NXPH1: variants seen among roughly 807,000 people sequenced by gnomAD.
The protein encoded by NXPH1 is neurexophilin 1.
A neutral mutation model predicts 23.7 loss-of-function variants in NXPH1; 5 were observed. The observed-to-expected ratio is 0.21, with a 90% CI of 0.11 to 0.44. The LOEUF is 0.44. Ranked by LOEUF, NXPH1 falls within the 20% of genes least tolerant of loss-of-function variation. The pLI is 0.99. For missense variants in NXPH1, 324 were observed against 321.6 expected (o/e 1.01, Z -0.06); for synonymous variants, 144 against 122.2 (o/e 1.18, Z -1.18).
At chr7:8,576,480 C>T (rs756596496) in intron 2 of NXPH1, among the ~76,000 whole-genome samples, 5 of 152,066 alleles carry the variant, frequency 3.3e-5, no homozygotes, top group East Asian at 1.9e-4. Context: ...TCTTGAAGTA[C>T]GTTTGAATGA....
intron 2 of NXPH1, among the ~76,000 whole-genome samples, chr7:8,679,580 A>G (rs1245827766): frequency 6.6e-6 from 1 of 152,186 alleles, no homozygotes; most frequent in Non-Finnish European, 1.5e-5. Flanking sequence ...TTTCTTTGTC[A>G]CAAATTAACT....
chr7:8,683,062 T>C (rs1005985013), intron 2 of NXPH1, among the ~76,000 whole-genome samples: 1 of 152,208 alleles, frequency 6.6e-6, no homozygotes, highest in Non-Finnish European at 1.5e-5. Flanking sequence ...CTTGGAGTTC[T>C]GCAAACTGTG....
At chr7:8,462,931 A>G (rs1042076981) in intron 2 of NXPH1, among the ~76,000 whole-genome samples, 32 of 152,132 alleles carry the variant, frequency 2.1e-4, no homozygotes, top group African/African-American at 6.8e-4. Flanking sequence ...AAAATCTCAA[A>G]GTTTGAAGAG....
chr7:8,695,297 G>A (rs989850567), intron 2 of NXPH1, among the ~76,000 whole-genome samples: 15 of 152,170 alleles, frequency 9.9e-5, no homozygotes, highest in African/African-American at 3.4e-4. Flanking sequence ...TCATAGCACA[G>A]GTGGCGAAAC....
intron 2 of NXPH1, among the ~76,000 whole-genome samples, chr7:8,447,763 T>C (rs1316209295): frequency 6.6e-6 from 1 of 152,248 alleles, no homozygotes; most frequent in Non-Finnish European, 1.5e-5. Context: ...AACATTAATA[T>C]GTGGCCAGAT....
chr7:8,526,877 G>A (rs1208432712), intron 2 of NXPH1, among the ~76,000 whole-genome samples: 1 of 152,158 alleles, frequency 6.6e-6, no homozygotes, highest in Non-Finnish European at 1.5e-5. Context: ...TGTCTCAGCA[G>A]AAGTAAGGCA....
At chr7:8,480,737 C>A (rs760602407) in intron 2 of NXPH1, among the ~76,000 whole-genome samples, 1 of 152,012 alleles carries the variant, frequency 6.6e-6, no homozygotes, top group Non-Finnish European at 1.5e-5. Context: ...ACTTTGCCAC[C>A]CGGCAATTGT....
chr7:8,737,751 T>C (rs1391991105), intron 2 of NXPH1, among the ~76,000 whole-genome samples: 2 of 152,220 alleles, frequency 1.3e-5, no homozygotes, highest in East Asian at 3.8e-4. Context: ...CCATTCTCTC[T>C]GTCACTTTCA....
intron 2 of NXPH1, among the ~76,000 whole-genome samples, chr7:8,636,249 G>A (rs1820216941): frequency 6.6e-6 from 1 of 152,176 alleles, no homozygotes; most frequent in Admixed American, 6.5e-5. Context: ...AAAGTTCCCT[G>A]TGTTTGTCTC....
At chr7:8,535,240 T>G (rs139531447) in intron 2 of NXPH1, among the ~76,000 whole-genome samples, 2 of 152,068 alleles carry the variant, frequency 1.3e-5, no homozygotes, top group East Asian at 1.9e-4. Context: ...GCTAGATGCC[T>G]GTCACGTTTA....
chr7:8,458,519 C>G (rs1202287495), intron 2 of NXPH1, among the ~76,000 whole-genome samples: 1 of 152,084 alleles, frequency 6.6e-6, no homozygotes, highest in Non-Finnish European at 1.5e-5. Flanking sequence ...AGAAAATGAA[C>G]CAAAGAGTGA....
chr7:8,698,246 T>C (rs180731733), intron 2 of NXPH1, among the ~76,000 whole-genome samples: 4 of 152,192 alleles, frequency 2.6e-5, no homozygotes, highest in Non-Finnish European at 5.9e-5. Context: ...ATGGAGGTAA[T>C]AAACCTATTT....
At chr7:8,595,128 A>G (rs1365880406) in intron 2 of NXPH1, among the ~76,000 whole-genome samples, 2 of 152,052 alleles carry the variant, frequency 1.3e-5, no homozygotes, top group African/African-American at 4.8e-5. Context: ...GCACACTTTT[A>G]TCTGTCTTTT....
intron 2 of NXPH1, among the ~76,000 whole-genome samples, chr7:8,560,108 T>C (rs979236447): frequency 6.6e-6 from 1 of 151,738 alleles, no homozygotes; most frequent in Non-Finnish European, 1.5e-5. Flanking sequence ...GAAAGATTAA[T>C]ATAACTCATT....
At chr7:8,539,868 G>T (rs1443300094) in intron 2 of NXPH1, among the ~76,000 whole-genome samples, 1 of 151,578 alleles carries the variant, frequency 6.6e-6, no homozygotes, top group Non-Finnish European at 1.5e-5. Flanking sequence ...ATAACTCTTG[G>T]AACCCAACAA....
chr7:8,526,639 C>T (rs1480428106), intron 2 of NXPH1, among the ~76,000 whole-genome samples: 3 of 152,166 alleles, frequency 2.0e-5, no homozygotes, highest in Non-Finnish European at 4.4e-5. Context: ...CCATGCTATT[C>T]TCATGATAGT....
chr7:8,450,948 T>C (rs879267835), intron 2 of NXPH1, among the ~76,000 whole-genome samples: 2 of 152,204 alleles, frequency 1.3e-5, no homozygotes, highest in African/African-American at 2.4e-5. Context: ...ATAAACCTTT[T>C]AGCACTTCAT....
At position 8,645,020 on chromosome 7, in the gene NXPH1, G is replaced by A. The variant is rs184079954; in HGVS notation, c.55-105988G>A. ...TTGATAAATGCAGTTCTAATTTATT[G>A]GTCACTTTTGCAGATGTACAATGTT... On this transcript the variant is annotated intron_variant, in intron 2 of 2. Transcript: ENST00000405863. Among the ~76,000 whole-genome samples, 335 of 152,164 alleles carry A rather than the reference G, an allele frequency of 2.2e-3. 1 individual carries two copies. Among genetic ancestry groups the A allele is most frequent in the Middle Eastern group, 0.017 (5 of 294 alleles).
At chr7:8,708,824 A>C (rs1026623189) in intron 2 of NXPH1, among the ~76,000 whole-genome samples, 1 of 152,190 alleles carries the variant, frequency 6.6e-6, no homozygotes, top group Admixed American at 6.5e-5. Context: ...GATATTCTCT[A>C]TATCTTGCTA....
Sources: allele counts gnomAD v4.1 joint callset (sites outside exome capture counted in the v4.1 genomes callset), GRCh38; gene constraint gnomAD v4.1.1; transcripts MANE v1.5; gene names NCBI Gene and HGNC (gene_info 2026-07-23, HGNC 2026-07-21).